NID1: variants seen among roughly 807,000 people sequenced by gnomAD.
NID1 encodes the protein nidogen 1, also known as nidogen-1.
NID1 carries 76 observed loss-of-function variants against 130.6 expected under a neutral mutation model. The observed-to-expected ratio is 0.58, with a 90% CI of 0.48 to 0.70. The LOEUF is 0.70. Among genes scored for constraint, NID1 ranks in the 30% least tolerant of loss-of-function variants. NID1 has a pLI of 0.00. For synonymous variants in NID1, 665 were observed against 675.1 expected, an observed-to-expected ratio of 0.98 and a Z score of 0.23; for missense variants, 1,517 against 1,664.8, an observed-to-expected ratio of 0.91 and a Z score of 1.54.
At chr1:236,049,647 A>G (rs16833252) in intron 1 of NID1, among the ~76,000 whole-genome samples, 2,134 of 152,358 alleles carry the variant, frequency 0.014, 36 homozygotes, top group African/African-American at 0.037. Flanking sequence ...TAATTATTTT[A>G]AAGTTTAATG....
In NID1 at chr1:235,976,467, T is replaced by C. The variant is rs571866747; in HGVS notation, c.*1400A>G. ...ACTTCCTCTTGGGCTTTTTTATTTC[T>C]CTTGTTGATCAATCTCTTTTTTGTG... On this transcript the variant is annotated 3_prime_UTR_variant, in exon 20 of 20. Coordinates refer to ENST00000264187, the MANE Select transcript of NID1 (RefSeq NM_002508.3). 6.6e-6 allele frequency: 1 copy of C among 152,228 alleles called. No individual in the cohort carries two copies. Among genetic ancestry groups the C allele is most frequent in the Non-Finnish European group, 1.5e-5 (1 of 68,040 alleles). The allele number at this position is 152,228 out of a possible 1,614,324, so 9.4% of individuals were successfully genotyped here.
chr1:236,048,321 C>T (rs976122147), intron 2 of NID1, among the ~76,000 whole-genome samples: 13 of 151,184 alleles, frequency 8.6e-5, no homozygotes, highest in African/African-American at 2.4e-4. Context: ...GGCGACAGAG[C>T]GAGACTCCAT....
At chr1:236,035,823 C>CT (rs750355102) in intron 5 of NID1, among the ~76,000 whole-genome samples, 2 of 152,156 alleles carry the variant, frequency 1.3e-5, no homozygotes, top group African/African-American at 2.4e-5. Context: ...CCGGGGAACA[C>CT]TGTGAAGTTA....
intron 1 of NID1, among the ~76,000 whole-genome samples, chr1:236,056,145 A>G (rs1371067862): frequency 1.3e-5 from 2 of 152,194 alleles, no homozygotes; most frequent in Non-Finnish European, 2.9e-5. Flanking sequence ...TTAACTCGCA[A>G]TGGATTGAAG....
intron 12 of NID1, among the ~76,000 whole-genome samples, chr1:236,008,137 C>G (rs1658302734): frequency 6.6e-6 from 1 of 152,190 alleles, no homozygotes; most frequent in South Asian, 2.1e-4. Flanking sequence ...TCTCCTCACT[C>G]TGATATTTTC....
chr1:236,059,515 G>GA (rs1404872901), intron 1 of NID1, among the ~76,000 whole-genome samples: 3 of 152,052 alleles, frequency 2.0e-5, no homozygotes, highest in Non-Finnish European at 2.9e-5. Context: ...CTTCATTTGA[G>GA]AAAAAATGAG....
chr1:236,056,748 AG>A (rs1182840769), intron 1 of NID1, among the ~76,000 whole-genome samples: 1 of 152,140 alleles, frequency 6.6e-6, no homozygotes, highest in Non-Finnish European at 1.5e-5. Flanking sequence ...CTCCCCTCCC[AG>A]GGACACAGGA....
intron 3 of NID1, among the ~76,000 whole-genome samples, chr1:236,044,274 A>G (rs1458414697): frequency 2.0e-5 from 3 of 152,234 alleles, no homozygotes; most frequent in African/African-American, 7.2e-5. Flanking sequence ...GCCAGTTATT[A>G]AACACAGCCA....
At chr1:236,013,111 G>A (rs146079138) in intron 11 of NID1, among the ~76,000 whole-genome samples, 6 of 152,338 alleles carry the variant, frequency 3.9e-5, no homozygotes, top group Non-Finnish European at 8.8e-5. Context: ...TAAAAGGACA[G>A]TTTGTCTCTT....
intron 1 of NID1, among the ~76,000 whole-genome samples, chr1:236,049,628 T>C (rs932488258): frequency 2.0e-5 from 3 of 152,248 alleles, no homozygotes; most frequent in Admixed American, 6.5e-5. Flanking sequence ...TGGGGCATTA[T>C]GGTATCACTA....
At chr1:236,027,308 T>C (rs751900488) in intron 7 of NID1, among the ~76,000 whole-genome samples, 1 of 152,100 alleles carries the variant, frequency 6.6e-6, no homozygotes, top group Non-Finnish European at 1.5e-5. Context: ...GTTTGCTCCA[T>C]AATAGAAGCA....
chr1:235,992,048 G>A (rs1418965026), intron 13 of NID1, among the ~76,000 whole-genome samples: 2 of 152,310 alleles, frequency 1.3e-5, no homozygotes, highest in East Asian at 1.9e-4. Flanking sequence ...TGTCCCAGGA[G>A]GGACACACAA....
At chr1:236,057,717 C>T (rs76262990) in intron 1 of NID1, among the ~76,000 whole-genome samples, 11,414 of 114,066 alleles carry the variant, frequency 0.1, 539 homozygotes, top group Middle Eastern at 0.2. Context: ...GAAAGAAAGA[C>T]GGAAAGAAAG....
Position 236,008,280 on chromosome 1 carries a change from C to A in NID1, c.2527+3641G>T, listed in dbSNP as rs1229055728. On this transcript the variant is annotated intron_variant, in intron 12 of 19. Coordinates refer to ENST00000264187, the MANE Select transcript of NID1 (RefSeq NM_002508.3). Reference sequence around the variant, plus strand: ...GACAAAGAGGAACAAATCGCAATTTCTCGTAGTTTGTCTGTCATCAGTTGA... The same window carrying A: ...GACAAAGAGGAACAAATCGCAATTTATCGTAGTTTGTCTGTCATCAGTTGA... Among the ~76,000 whole-genome samples the A allele has an allele frequency of 2.0e-5, 3 of 152,184 alleles. No individual in the cohort carries two copies. The East Asian group carries it at 5.8e-4, about 29-fold the overall frequency.
At chr1:236,035,488 T>G (rs894680210) in intron 5 of NID1, among the ~76,000 whole-genome samples, 2 of 140,500 alleles carry the variant, frequency 1.4e-5, no homozygotes, top group Non-Finnish European at 1.5e-5. Context: ...GCATGATTTA[T>G]AGTCCTTTGG....
intron 12 of NID1, 52 bp from the exon 13 acceptor site, chr1:235,993,924 GC>G (rs1008131425): frequency 5.8e-6 from 9 of 1,540,264 alleles, no homozygotes; most frequent in Non-Finnish European, 8.0e-6. Context: ...ATCCGTCAGC[GC>G]TCCCTGGCGG....
At chr1:236,059,234 CA>C (rs1366222869) in intron 1 of NID1, among the ~76,000 whole-genome samples, 1 of 152,108 alleles carries the variant, frequency 6.6e-6, no homozygotes, top group African/African-American at 2.4e-5. Flanking sequence ...ATGCAAGTTG[CA>C]ATGTTTTTTG....
chr1:235,980,195 C>A (rs952961904), intron 17 of NID1, among the ~76,000 whole-genome samples: 22 of 152,274 alleles, frequency 1.4e-4, no homozygotes, highest in African/African-American at 4.6e-4. Flanking sequence ...CAGGGTGACT[C>A]CAGGCTCTGT....
intron 12 of NID1, among the ~76,000 whole-genome samples, chr1:236,009,821 C>A (rs557941039): frequency 6.6e-6 from 1 of 152,142 alleles, no homozygotes; most frequent in East Asian, 1.9e-4. Flanking sequence ...CATTCTTACA[C>A]GTTTCTAGTG....
Sources: gnomAD v4.1 joint callset for allele counts (sites outside exome capture counted in the v4.1 genomes callset) on GRCh38, gnomAD v4.1.1 for gene constraint, MANE v1.5 for transcripts, NCBI Gene and HGNC (gene_info 2026-07-23, HGNC 2026-07-21) for gene names.